The following SOX5 variants were observed in gnomAD, a reference collection of about 807,000 sequenced individuals.
SOX5 encodes SRY-box transcription factor 5, also known as transcription factor SOX-5.
In SOX5, 9 loss-of-function variants were observed where a neutral mutation model predicts 92.0. The observed-to-expected ratio is 0.10, with a 90% CI of 0.06 to 0.17. SOX5 has a LOEUF of 0.17. Ranked by LOEUF, SOX5 falls within the 10% of genes least tolerant of loss-of-function variation. SOX5 has a pLI of 1.00. For missense variants in SOX5, 642 were observed against 944.5 expected (o/e 0.68, Z 4.20); for synonymous variants, 344 against 336.3 (o/e 1.02, Z -0.25).
intron 4 of SOX5, among the ~76,000 whole-genome samples, chr12:23,970,795 T>C (rs1948135109): frequency 8.1e-6 from 1 of 122,790 alleles, no homozygotes; most frequent in African/African-American, 3.0e-5. Context: ...GGTATATAAC[T>C]AAGAGTGGAA....
chr12:24,355,934 T>C (rs75114011), intron 2 of SOX5, among the ~76,000 whole-genome samples: 1,820 of 152,324 alleles, frequency 0.012, 13 homozygotes, highest in Non-Finnish European at 0.021. Flanking sequence ...GATTTAGGCA[T>C]TTCACTTTGA....
chr12:24,089,550 T>C (rs528067218), intron 4 of SOX5, among the ~76,000 whole-genome samples: 4 of 152,270 alleles, frequency 2.6e-5, no homozygotes, highest in African/African-American at 7.2e-5. Context: ...AAATTAAATG[T>C]TTGTTAAATT....
At chr12:24,528,758 A>T (rs1344819244) in intron 1 of SOX5, among the ~76,000 whole-genome samples, 29 of 152,300 alleles carry the variant, frequency 1.9e-4, no homozygotes. Flanking sequence ...GATCTAGAGG[A>T]AGCATTTATA....
rs147067230 is a variant in SOX5, at chr12:24,488,309, C to T, written c.-251+74020G>A. 4.5e-3 allele frequency among the ~76,000 whole-genome samples: 679 copies of T among 152,290 alleles called. 3 individuals are homozygous for T. The highest frequency in any genetic ancestry group is 0.015 in the African/African-American group (638 of 41,566). On this transcript the variant is annotated intron_variant, in intron 1 of 4. Transcript: ENST00000446891. ...ACATGTTGCAAAAAGATCTACAAAG[C>T]AGGGTGTGGTAACTCACCCCTGTAA...
intron 2 of SOX5, among the ~76,000 whole-genome samples, chr12:24,328,457 T>C (rs1436309738): frequency 1.3e-5 from 2 of 152,210 alleles, no homozygotes; most frequent in Admixed American, 1.3e-4. Flanking sequence ...ATTTGGGTAG[T>C]TGACATTCAA....
intron 14 of SOX5, 86 bp downstream of exon 14, chr12:23,536,367 T>C (rs4636755): frequency 0.82 from 884,698 of 1,079,202 alleles, 364,154 homozygotes; most frequent in East Asian, 0.97. Context: ...CAAAATGTCT[T>C]TTTGCAACTG....
At chr12:24,400,258 T>G (rs1227292719) in intron 1 of SOX5, among the ~76,000 whole-genome samples, 1 of 152,254 alleles carries the variant, frequency 6.6e-6, no homozygotes, top group Non-Finnish European at 1.5e-5. Flanking sequence ...ACTAAAATGC[T>G]AATTAGTTTT....
At chr12:24,373,305 A>T (rs1956932650) in intron 1 of SOX5, among the ~76,000 whole-genome samples, 1 of 152,124 alleles carries the variant, frequency 6.6e-6, no homozygotes, top group Admixed American at 6.6e-5. Flanking sequence ...ACACTACCAT[A>T]TTTTTTATAA....
chr12:24,131,847 A>G (rs993279339), intron 4 of SOX5, among the ~76,000 whole-genome samples: 5 of 152,184 alleles, frequency 3.3e-5, no homozygotes, highest in African/African-American at 1.2e-4. Context: ...AAGTATTTTT[A>G]GACTTCACAG....
chr12:24,435,646 C>A (rs1219362981), intron 1 of SOX5, among the ~76,000 whole-genome samples: 2 of 152,144 alleles, frequency 1.3e-5, no homozygotes, highest in African/African-American at 4.8e-5. Flanking sequence ...AAATCAAGAC[C>A]TAAAATTAAA....
Position 23,534,539 on chromosome 12 carries a change from T to A in SOX5, c.1989-17A>T. On this transcript the variant is annotated splice_polypyrimidine_tract_variant and intron_variant, in intron 14 of 14. Transcript: ENST00000451604. ...GCTTGTTGCCTGTCAAGAAAGGAAT[T>A]TCCAAAAAGACATCGTGGGTAAGTG... 1 of 1,599,080 alleles carries A rather than the reference T, an allele frequency of 6.3e-7. No individual in the cohort carries two copies.
At chr12:23,748,531 T>C (rs924791989) in intron 4 of SOX5, among the ~76,000 whole-genome samples, 2 of 151,940 alleles carry the variant, frequency 1.3e-5, no homozygotes, top group African/African-American at 2.4e-5. Context: ...AAGTAAACCA[T>C]TGGGAACTAT....
chr12:24,073,953 G>T (rs967502947), intron 4 of SOX5, among the ~76,000 whole-genome samples: 1 of 152,022 alleles, frequency 6.6e-6, no homozygotes, highest in Non-Finnish European at 1.5e-5. Context: ...ACAGAGAAAA[G>T]GTGAGACTTC....
intron 6 of SOX5, among the ~76,000 whole-genome samples, chr12:23,692,310 G>A (rs552745802): frequency 8.6e-4 from 131 of 151,814 alleles, no homozygotes; most frequent in African/African-American, 2.7e-3. Context: ...GGCAGCCGGC[G>A]CCTGTAATCC....
At chr12:24,213,378 G>A (rs1270707002) in exon 4 of SOX5, 8 of 142,116 alleles carry the variant, frequency 5.6e-5, no homozygotes, top group South Asian at 4.3e-4. Flanking sequence ...TCCCACTCCC[G>A]GTGTCCTGAT....
intron 6 of SOX5, among the ~76,000 whole-genome samples, chr12:23,702,081 C>T (rs1024257281): frequency 1.3e-5 from 2 of 151,984 alleles, no homozygotes; most frequent in Non-Finnish European, 2.9e-5. Context: ...TCTTATTTTG[C>T]CTGTGGTTGA....
intron 3 of SOX5, among the ~76,000 whole-genome samples, chr12:24,230,013 C>A (rs1337669959): frequency 6.6e-6 from 1 of 152,112 alleles, no homozygotes; most frequent in Non-Finnish European, 1.5e-5. Context: ...CAAATGAGAT[C>A]CCTAAAATGG....
At chr12:23,699,137 T>A (rs1217249811) in intron 6 of SOX5, among the ~76,000 whole-genome samples, 1 of 152,208 alleles carries the variant, frequency 6.6e-6, no homozygotes, top group Admixed American at 6.5e-5. Context: ...TGTCTGTCTC[T>A]CCCTCTGAAA....
chr12:24,026,670 A>AT (rs1427480125), intron 4 of SOX5, among the ~76,000 whole-genome samples: 21 of 151,846 alleles, frequency 1.4e-4, no homozygotes, highest in African/African-American at 4.8e-4. Context: ...ATTAGATAAA[A>AT]AAAAAAAAGG....
Sources: gnomAD v4.1 joint callset for allele counts (sites outside exome capture counted in the v4.1 genomes callset) on GRCh38, gnomAD v4.1.1 for gene constraint, MANE v1.5 for transcripts, NCBI Gene and HGNC (gene_info 2026-07-23, HGNC 2026-07-21) for gene names.